EXD3: variants seen among roughly 807,000 people sequenced by gnomAD.
EXD3 encodes the protein exonuclease mut-7 homolog.
A neutral mutation model predicts 98.0 loss-of-function variants in EXD3; 92 were observed. That is an observed-to-expected ratio of 0.94 (90% CI 0.79 to 1.12). The LOEUF (loss-of-function observed/expected upper bound fraction) is 1.12, where lower values mean the gene tolerates loss of function less well. EXD3 is among the 50% of genes most tolerant of loss of function. The pLI is 0.00. For synonymous variants in EXD3, 569 were observed against 526.0 expected (o/e 1.08, Z -1.12); for missense variants, 1,222 against 1,191.6 (o/e 1.03, Z -0.38).
intron 2 of EXD3, among the ~76,000 whole-genome samples, chr9:137,390,200 G>A (rs1008754369): frequency 2.0e-4 from 30 of 150,138 alleles, no homozygotes; most frequent in African/African-American, 3.0e-4. Context: ...GGAGGCTGAG[G>A]TGGGCGGATC....
rs1006281119 is a variant in EXD3, at chr9:137,351,053, C to T, written c.1479G>A (p.Leu493=). 1 of 1,565,820 alleles carries T rather than the reference C, an allele frequency of 6.4e-7. No homozygotes were observed. The change falls in exon 14 of 22, where the codon CTG becomes CTA. Residue 493 remains leucine (L), a synonymous_variant. Transcript: ENST00000340951. ...GGGTGCCCACCTGTCTGTGCACCAGCAGCAGGTCCATGCCGCCCAGAATCT... is the reference window on the plus strand; with the variant it reads ...GGGTGCCCACCTGTCTGTGCACCAGTAGCAGGTCCATGCCGCCCAGAATCT... ...EKQILGGMDL[L]LVHRQMRVAS...
rs762905785 is a variant in EXD3 at position 137,307,058 on chromosome 9, G to A, written c.2523C>T (p.Asp841=). The A allele has an allele frequency of 2.0e-5, 32 of 1,611,916 alleles. No homozygotes were observed. Among genetic ancestry groups the A allele is most frequent in the Middle Eastern group, 1.6e-4 (1 of 6,078 alleles). Residue 841 remains aspartate (D), a synonymous_variant, in exon 22 of 22, where the codon GAC becomes GAT. Transcript: ENST00000340951. ...CCTGCGKVFW[D]GSHLGRVATH... ...TGGCAACACGACCCAGGTGGGAGCCGTCCCAGAAGACCTTTCCACAGCCCG... is the reference window on the plus strand; with the variant it reads ...TGGCAACACGACCCAGGTGGGAGCCATCCCAGAAGACCTTTCCACAGCCCG...
chr9:137,420,108 C>T (rs532741860), intron 1 of EXD3, among the ~76,000 whole-genome samples: 1 of 151,636 alleles, frequency 6.6e-6, no homozygotes, highest in South Asian at 2.1e-4. Flanking sequence ...GGCAGTGAGC[C>T]GAGATTGTAC....
intron 17 of EXD3, among the ~76,000 whole-genome samples, chr9:137,336,300 A>G (rs1002541031): frequency 6.6e-6 from 1 of 152,214 alleles, no homozygotes; most frequent in Non-Finnish European, 1.5e-5. Flanking sequence ...AAATATATGA[A>G]ACATAAATCG....
At chr9:137,353,979 G>A (rs1834462340) in intron 10 of EXD3, 2 of 1,100,418 alleles carry the variant, frequency 1.8e-6, no homozygotes, top group South Asian at 4.4e-5. Context: ...CGGGCTGGGG[G>A]GGCCTGGCCT....
chr9:137,328,658 G>A (rs1357133889), intron 17 of EXD3, among the ~76,000 whole-genome samples: 5 of 74,540 alleles, frequency 6.7e-5, no homozygotes, highest in South Asian at 5.5e-4. Context: ...GGGACTACAC[G>A]GGACTACACG....
chr9:137,380,259 G>A (rs1836162867), intron 3 of EXD3, among the ~76,000 whole-genome samples: 1 of 151,060 alleles, frequency 6.6e-6, no homozygotes, highest in Non-Finnish European at 1.5e-5. Context: ...GCCTCCTGCT[G>A]TGCACGGAGA....
intron 17 of EXD3, among the ~76,000 whole-genome samples, chr9:137,346,982 A>T (rs1220849882): frequency 6.6e-6 from 1 of 151,864 alleles, no homozygotes; most frequent in Non-Finnish European, 1.5e-5. Flanking sequence ...CGCCCAGCTA[A>T]TTTTTGTATT....
intron 7 of EXD3, chr9:137,357,378 T>C (rs1246652919): frequency 1.3e-5 from 2 of 152,338 alleles, no homozygotes; most frequent in East Asian, 1.9e-4. Flanking sequence ...GTTATTTGTA[T>C]GTTGGACCTT....
At chr9:137,357,753 T>C (rs539365478) in intron 7 of EXD3, among the ~76,000 whole-genome samples, 25 of 150,312 alleles carry the variant, frequency 1.7e-4, no homozygotes, top group African/African-American at 4.4e-4. Context: ...TGTATATATA[T>C]ATAAAGGTGA....
chr9:137,330,078 A>C (rs1488480130), intron 17 of EXD3, among the ~76,000 whole-genome samples: 2 of 140,692 alleles, frequency 1.4e-5, no homozygotes, highest in African/African-American at 2.8e-5. Context: ...CACAGGAACT[A>C]CACAGGAGCT....
intron 7 of EXD3, chr9:137,365,772 C>T (rs1835208998): frequency 3.1e-6 from 1 of 326,134 alleles, no homozygotes; most frequent in South Asian, 2.4e-5. Flanking sequence ...ACACCACATG[C>T]ACGAAAACAC....
intron 1 of EXD3, among the ~76,000 whole-genome samples, chr9:137,420,326 C>T (rs1424494175): frequency 6.6e-6 from 1 of 152,098 alleles, no homozygotes. Context: ...ATAGCTATAG[C>T]AATTGAGTGA....
chr9:137,405,779 C>T lies in EXD3; in HGVS notation c.-47-10375G>A, dbSNP rs1171494722. Among the ~76,000 whole-genome samples, 2 of 152,226 alleles carry T rather than the reference C, an allele frequency of 1.3e-5. No individual in the cohort carries two copies. Among genetic ancestry groups the T allele is most frequent in the Non-Finnish European group, 2.9e-5 (2 of 68,042 alleles). On this transcript the variant is annotated intron_variant, in intron 1 of 21. Coordinates refer to ENST00000340951, the MANE Select transcript of EXD3 (RefSeq NM_017820.5). The surrounding 1 kb of genome is among the most constrained non-coding windows in gnomAD (Gnocchi z 4.1). ...CATGAGCCTGGCTTCTCCTGCCGGC[C>T]GGCACAGGGGTGGGTACCATGCACA...
intron 19 of EXD3, among the ~76,000 whole-genome samples, chr9:137,320,955 C>T (rs564281288): frequency 1.1e-3 from 164 of 152,314 alleles, no homozygotes; most frequent in Non-Finnish European, 2.0e-3. Flanking sequence ...TTCCTGCCGC[C>T]CCTGGAGCCC....
intron 1 of EXD3, among the ~76,000 whole-genome samples, chr9:137,414,903 G>A (rs1056831908): frequency 1.3e-5 from 2 of 152,098 alleles, no homozygotes; most frequent in Admixed American, 1.3e-4. Context: ...TGTTGTCCAG[G>A]CTGAGACGGA....
intron 19 of EXD3, among the ~76,000 whole-genome samples, chr9:137,318,285 C>T (rs938687807): frequency 2.0e-5 from 3 of 152,140 alleles, no homozygotes; most frequent in Non-Finnish European, 4.4e-5. Flanking sequence ...CCCCACAGGG[C>T]TTCCCAGGCG....
chr9:137,314,397 C>T (rs1057297310), intron 19 of EXD3, among the ~76,000 whole-genome samples: 6 of 152,120 alleles, frequency 3.9e-5, no homozygotes, highest in African/African-American at 9.7e-5. Context: ...CTGGGGTGGG[C>T]GGAAGGCCGA....
At position 137,407,509 on chromosome 9, in the gene EXD3, A is replaced by C. The variant is rs1837783779; in HGVS notation, c.-47-12105T>G. Among the ~76,000 whole-genome samples the C allele has an allele frequency of 1.3e-5, 2 of 152,070 alleles. No homozygotes were observed. Among genetic ancestry groups the C allele is most frequent in the African/African-American group, 2.4e-5 (1 of 41,410 alleles). On this transcript the variant is annotated intron_variant, in intron 1 of 21. Transcript: ENST00000340951. The surrounding 1 kb of genome is among the most constrained non-coding windows in gnomAD (Gnocchi z 4.4). The stretch of plus-strand genomic sequence containing the variant: ...TCGGGCTCTGCCCTGCCAGCCCCAC[A>C]ACCCAGAACCCAGCGTCCCCGCCCC...
Sources: allele counts gnomAD v4.1 joint callset (sites outside exome capture counted in the v4.1 genomes callset), GRCh38; gene constraint gnomAD v4.1.1; non-coding constraint Gnocchi (gnomAD v3.1); transcripts MANE v1.5; gene names NCBI Gene and HGNC (gene_info 2026-07-23, HGNC 2026-07-21).